The following DST variants were observed in gnomAD, a reference collection of about 807,000 sequenced individuals.
DST encodes the protein dystonin, also known as bullous pemphigoid antigen.
DST carries 253 observed loss-of-function variants against 875.2 expected under a neutral mutation model. The ratio of observed to expected loss-of-function variants is 0.29; its 90% CI spans 0.26 to 0.32. The LOEUF is 0.32. Ranked by LOEUF, DST falls within the 10% of genes least tolerant of loss-of-function variation. The pLI, the probability that DST is intolerant of heterozygous loss-of-function variation, is 1.00. For missense variants in DST, 8,287 were observed against 9,111.6 expected, an observed-to-expected ratio of 0.91 and a Z score of 3.68; for synonymous variants, 3,124 against 3,197.1, an observed-to-expected ratio of 0.98 and a Z score of 0.77.
chr6:56,860,801 CT>C (rs1369901407), intron 3 of DST, among the ~76,000 whole-genome samples: 1 of 152,148 alleles, frequency 6.6e-6, no homozygotes, highest in African/African-American at 2.4e-5. Context: ...ACTGTGTCAC[CT>C]TAATAACAGC....
chr6:56,593,809 T>A lies in DST; in HGVS notation c.12580A>T (p.Ile4194Phe). The A allele has an allele frequency of 6.2e-7, 1 of 1,613,986 alleles. No homozygotes were observed. Among genetic ancestry groups the A allele is most frequent in the East Asian group, 2.2e-5 (1 of 44,856 alleles). ...AACACTCTGTTTCCAGAAATTGTGA[T>A]GTATCTCAAGTCACCTTTGTGAGAA... ...VISHKGDLRYITISGNRVLEA... is the reference protein window; with the variant it reads ...VISHKGDLRYFTISGNRVLEA... The change falls in exon 48 of 104, where the codon ATC becomes TTC. Residue 4194 changes from isoleucine to phenylalanine, a missense_variant. Physicochemically the swap from Ile to Phe is conservative, Grantham distance 21 (BLOSUM62 0). Coordinates refer to ENST00000680361, the MANE Select transcript of DST (RefSeq NM_001374736.1).
intron 2 of DST, among the ~76,000 whole-genome samples, chr6:56,904,755 T>C (rs1471778227): frequency 1.3e-5 from 2 of 152,096 alleles, no homozygotes; most frequent in African/African-American, 4.8e-5. Flanking sequence ...CTTGAAACAG[T>C]AGGTGGTGCT....
chr6:56,941,445 C>T (rs1393413924), intron 2 of DST, among the ~76,000 whole-genome samples: 1 of 152,008 alleles, frequency 6.6e-6, no homozygotes, highest in African/African-American at 2.4e-5. Context: ...AGTCTGTCTT[C>T]GTGAATGAGT....
At chr6:56,939,753 G>C (rs984133555) in intron 2 of DST, among the ~76,000 whole-genome samples, 3 of 152,004 alleles carry the variant, frequency 2.0e-5, no homozygotes, top group African/African-American at 7.2e-5. Context: ...AGCCGGGCGT[G>C]GTGGCTCACG....
rs556954843 is a variant in DST at position 56,651,174 on chromosome 6, C to T, written c.1285G>A (p.Val429Ile). ...NLANLEHAFYVAEKIGVIRLL... is the reference protein window; with the variant it reads ...NLANLEHAFYIAEKIGVIRLL... ...CTTATAACACCAATTTTTTCTGCTA[C>T]GTAAAAAGCATGCTCTAAATTTGCA... Residue 429 changes from valine to isoleucine, a missense_variant, in exon 11 of 104, where the codon GTA (valine) becomes ATA (isoleucine). Transcript: ENST00000680361. 3.2e-5 allele frequency: 51 copies of T among 1,612,580 alleles called. No homozygotes were observed. Among genetic ancestry groups the T allele is most frequent in the Admixed American group, 3.3e-5 (2 of 59,858 alleles).
rs2152949618 is a variant in DST, at chr6:56,749,117, A to T, written c.626-13828T>A. ...CGCAGTGGCTCAGGCCTGTAATCCC[A>T]GCATTTTGGGCGGGCAGATCACCTC... On this transcript the variant is annotated intron_variant, in intron 4 of 103. Transcript: ENST00000680361. 2.0e-5 allele frequency among the ~76,000 whole-genome samples: 3 copies of T among 152,252 alleles called. No individual in the cohort carries two copies. In the Middle Eastern group the frequency reaches 0.01, roughly 518 times the overall value.
chr6:56,721,171 GCGGC>G (rs1184940198), intron 5 of DST, among the ~76,000 whole-genome samples: 2,408 of 127,952 alleles, frequency 0.019, 36 homozygotes, highest in Middle Eastern at 0.045. Context: ...CCCAGATGGG[GCGGC>G]TGCCGGGCGG....
intron 10 of DST, among the ~76,000 whole-genome samples, chr6:56,667,828 T>TATATACAC (rs1554596727): frequency 2.0e-5 from 3 of 149,772 alleles, no homozygotes; most frequent in African/African-American, 7.4e-5. Context: ...TATATATATA[T>TATATACAC]ACACACACAC....
At chr6:56,664,092 G>A (rs775975911) in intron 10 of DST, among the ~76,000 whole-genome samples, 2 of 151,958 alleles carry the variant, frequency 1.3e-5, no homozygotes, top group Non-Finnish European at 2.9e-5. Context: ...CACACCTCTA[G>A]TTTTAGTCTT....
At chr6:56,930,226 C>G (rs995015449) in intron 2 of DST, among the ~76,000 whole-genome samples, 2 of 152,196 alleles carry the variant, frequency 1.3e-5, no homozygotes, top group African/African-American at 4.8e-5. Flanking sequence ...TTTTCAGGGC[C>G]CTAACTTTGG....
rs765215402 is a variant in DST, at chr6:56,954,597, G to A, written c.-10C>T. On this transcript the variant is annotated 5_prime_UTR_variant, in exon 1 of 104. Coordinates refer to ENST00000680361, the MANE Select transcript of DST (RefSeq NM_001374736.1). ...AAGCCGCGGCGATCATGGTGCGGGC[G>A]AGGCGAGGGCGACTCGACGGCGGGG... is the stretch of plus-strand genomic sequence containing the variant. 3 of 1,343,584 alleles carry A rather than the reference G, an allele frequency of 2.2e-6. No homozygotes were observed. The highest frequency in any genetic ancestry group is 2.1e-4 in the Middle Eastern group (1 of 4,662). The allele number at this position is 1,343,584 out of a possible 1,614,324, so 83.2% of individuals were successfully genotyped here.
At chr6:56,720,443 G>T (rs979215927) in intron 5 of DST, among the ~76,000 whole-genome samples, 2 of 151,308 alleles carry the variant, frequency 1.3e-5, no homozygotes, top group Admixed American at 6.6e-5. Flanking sequence ...TGGAGAGAAC[G>T]TCAGCAGATA....
chr6:56,728,436 G>A (rs1316401545), intron 5 of DST, among the ~76,000 whole-genome samples: 2 of 152,190 alleles, frequency 1.3e-5, no homozygotes, highest in African/African-American at 2.4e-5. Flanking sequence ...GGACATGGTG[G>A]CTCACACCTA....
At chr6:56,881,394 A>T (rs1029693760) in intron 3 of DST, among the ~76,000 whole-genome samples, 39 of 151,998 alleles carry the variant, frequency 2.6e-4, no homozygotes, top group African/African-American at 9.2e-4. Flanking sequence ...AATCACTTGA[A>T]CCCGGGAGAC....
chr6:56,934,560 T>TTTTTATATATATATATATATATATA (rs869186436), intron 2 of DST, among the ~76,000 whole-genome samples: 1 of 106,486 alleles, frequency 9.4e-6, no homozygotes, highest in African/African-American at 3.5e-5. Flanking sequence ...ATATATTATA[T>TTTTTATATATATATATATATATATA]TATATATATA....
intron 4 of DST, chr6:56,843,328 CG>C: frequency 8.2e-7 from 1 of 1,218,776 alleles, no homozygotes; most frequent in Non-Finnish European, 1.0e-6. Context: ...GCGCCAGGGC[CG>C]GCAAAGGAAA....
chr6:56,579,872 G>A (rs1332694667), intron 49 of DST, among the ~76,000 whole-genome samples: 1 of 152,226 alleles, frequency 6.6e-6, no homozygotes, highest in East Asian at 1.9e-4. Context: ...TGTCCTATAG[G>A]AAGGCTAAAT....
intron 10 of DST, among the ~76,000 whole-genome samples, chr6:56,657,985 C>T (rs1371953758): frequency 2.0e-5 from 3 of 151,974 alleles, no homozygotes; most frequent in Non-Finnish European, 2.9e-5. Flanking sequence ...AGGCTGGTCT[C>T]GAACCCCTGA....
At chr6:56,757,734 G>A (rs529307907) in intron 4 of DST, among the ~76,000 whole-genome samples, 5 of 152,222 alleles carry the variant, frequency 3.3e-5, no homozygotes, top group South Asian at 2.1e-4. Flanking sequence ...ACACAGACCC[G>A]ATGAATATGG....
Sources: allele counts gnomAD v4.1 joint callset (sites outside exome capture counted in the v4.1 genomes callset), GRCh38; gene constraint gnomAD v4.1.1; transcripts MANE v1.5; gene names NCBI Gene and HGNC (gene_info 2026-07-23, HGNC 2026-07-21).